The following CLEC16A variants were observed in gnomAD, a reference collection of about 807,000 sequenced individuals.
CLEC16A encodes protein CLEC16A.
Under a neutral mutation model 109.5 loss-of-function variants are expected in CLEC16A, and 51 were observed. That is an observed-to-expected ratio of 0.47 (90% CI 0.37 to 0.59). CLEC16A has a LOEUF of 0.59. CLEC16A is among the 20% of genes least tolerant of loss of function. The pLI is 0.00. For missense variants in CLEC16A, 1,339 were observed against 1,394.0 expected, an observed-to-expected ratio of 0.96 and a Z score of 0.63; for synonymous variants, 673 against 564.2, an observed-to-expected ratio of 1.19 and a Z score of -2.73.
chr16:11,067,189 G>GTTTTTTTTTTTTTTTTTTT (rs71406205), intron 19 of CLEC16A, among the ~76,000 whole-genome samples: 5 of 98,978 alleles, frequency 5.1e-5, no homozygotes, highest in South Asian at 3.4e-4. Context: ...GTTTGTTTTT[G>GTTTTTTTTTTTTTTTTTTT]TTTTTTTTTT....
At chr16:11,036,486 T>G (rs1051646521) in intron 13 of CLEC16A, among the ~76,000 whole-genome samples, 2 of 152,174 alleles carry the variant, frequency 1.3e-5, no homozygotes, top group Non-Finnish European at 2.9e-5. Context: ...TTGGGCTGTC[T>G]GTAGCTTGAT....
chr16:11,050,124 A>AC (rs1422695993), intron 17 of CLEC16A, among the ~76,000 whole-genome samples: 1 of 152,264 alleles, frequency 6.6e-6, no homozygotes, highest in African/African-American at 2.4e-5. Flanking sequence ...CCTTCTTGCC[A>AC]CATCATCCCA....
intron 10 of CLEC16A, among the ~76,000 whole-genome samples, chr16:10,987,278 C>G (rs528847552): frequency 6.6e-6 from 1 of 152,224 alleles, no homozygotes; most frequent in East Asian, 1.9e-4. Flanking sequence ...TCTTGCAAAA[C>G]TCTAGTACAC....
intron 13 of CLEC16A, among the ~76,000 whole-genome samples, chr16:11,026,038 A>G (rs554648314): frequency 6.6e-6 from 1 of 152,372 alleles, no homozygotes; most frequent in South Asian, 2.1e-4. Flanking sequence ...GTTCACATCC[A>G]TAGAGAACTG....
At chr16:11,080,874 G>T (rs12921385) in intron 19 of CLEC16A, among the ~76,000 whole-genome samples, 4 of 152,210 alleles carry the variant, frequency 2.6e-5, no homozygotes, top group Admixed American at 2.0e-4. Context: ...AGCTCCCCCA[G>T]CTCAGGCTCT....
chr16:10,959,805 G>T (rs775486109), intron 2 of CLEC16A, among the ~76,000 whole-genome samples: 6 of 151,520 alleles, frequency 4.0e-5, no homozygotes, highest in Non-Finnish European at 8.8e-5. Flanking sequence ...TAGAGACAGG[G>T]TCTTGCTGTG....
chr16:11,120,948 A>G (rs1425331959), intron 20 of CLEC16A, among the ~76,000 whole-genome samples, 182 bp downstream of exon 20: 1 of 152,198 alleles, frequency 6.6e-6, no homozygotes, highest in Non-Finnish European at 1.5e-5. Flanking sequence ...ATGCACAGAT[A>G]AGAGCAAAGT....
Position 10,975,813 on chromosome 16 carries a change from AT to A in CLEC16A, c.729-1402del, listed in dbSNP as rs571751395. On this transcript the variant is annotated intron_variant, in intron 7 of 23. Coordinates refer to ENST00000409790, the MANE Select transcript of CLEC16A (RefSeq NM_015226.3). ...AGGTGCATGCCACCACCCCTGGCTA[AT>A]TTTTTTTTTAATATTTTTAGTAGAG... Among the ~76,000 whole-genome samples, 1,237 of 149,632 alleles carry A rather than the reference AT, an allele frequency of 8.3e-3. 13 individuals are homozygous for A. The highest frequency in any genetic ancestry group is 0.028 in the African/African-American group (1,160 of 40,850).
In CLEC16A at chr16:10,948,184, C is replaced by T. The variant is rs977471731; in HGVS notation, c.80+3387C>T. Among the ~76,000 whole-genome samples, 9 of 152,208 alleles carry T rather than the reference C, an allele frequency of 5.9e-5. No homozygotes were observed. In the East Asian group the frequency reaches 7.7e-4, roughly 13 times the overall value. On this transcript the variant is annotated intron_variant, in intron 1 of 23. Transcript: ENST00000409790. The stretch of plus-strand genomic sequence containing the variant: ...CTGGGATTACAGGCATGAGCCACTG[C>T]ACCCGGCCTAGACTTTACTTTTTTA...
intron 1 of CLEC16A, among the ~76,000 whole-genome samples, chr16:10,947,489 G>A (rs1458030571): frequency 6.6e-6 from 1 of 152,234 alleles, no homozygotes; most frequent in Non-Finnish European, 1.5e-5. Context: ...GGTTCTCCAA[G>A]AATGAACAGA....
chr16:11,126,502 G>T, intron 22 of CLEC16A: 1 of 977,474 alleles, frequency 1.0e-6, no homozygotes, highest in Admixed American at 3.2e-5. Context: ...ACTAGAAAGA[G>T]AGAGTGTGTT....
intron 19 of CLEC16A, among the ~76,000 whole-genome samples, chr16:11,118,808 T>G (rs2052192258): frequency 6.6e-6 from 1 of 152,198 alleles, no homozygotes; most frequent in South Asian, 2.1e-4. Context: ...TGAGTTGGTT[T>G]TTGTATACAG....
chr16:11,030,618 AT>A (rs1369379263), intron 13 of CLEC16A, among the ~76,000 whole-genome samples: 2 of 152,204 alleles, frequency 1.3e-5, no homozygotes, highest in African/African-American at 2.4e-5. Context: ...AGTAAAAAAA[AT>A]ATTGTGTTTC....
chr16:11,081,618 A>C (rs952769422), intron 19 of CLEC16A, among the ~76,000 whole-genome samples: 1 of 152,100 alleles, frequency 6.6e-6, no homozygotes, highest in East Asian at 1.9e-4. Flanking sequence ...GGATTCCTCA[A>C]GCCATAGGGC....
intron 23 of CLEC16A, among the ~76,000 whole-genome samples, chr16:11,176,094 A>C (rs2068736249): frequency 6.6e-6 from 1 of 152,246 alleles, no homozygotes; most frequent in Non-Finnish European, 1.5e-5. Flanking sequence ...CATTCGAAGC[A>C]AGGGCAGAGG....
At chr16:11,145,644 C>T (rs2054021386) in intron 22 of CLEC16A, among the ~76,000 whole-genome samples, 1 of 152,278 alleles carries the variant, frequency 6.6e-6, no homozygotes, top group African/African-American at 2.4e-5. Flanking sequence ...GTGGGTGGGG[C>T]TGTGCCCCCA....
intron 7 of CLEC16A, among the ~76,000 whole-genome samples, chr16:10,973,628 G>T (rs1596821586): frequency 6.6e-6 from 1 of 151,964 alleles, no homozygotes; most frequent in Admixed American, 6.6e-5. Context: ...GAGAGCAGTG[G>T]GGTGATCATG....
chr16:11,176,399 A>ATC lies in CLEC16A; in HGVS notation c.2807-1916_2807-1915dup, dbSNP rs147056708. The stretch of plus-strand genomic sequence containing the variant: ...AGCCTCATGCAGTGGTTTCCTCTAG[A>ATC]TCTCTCTCTCTCTCTCTCTCTTTTA... On this transcript the variant is annotated intron_variant, in intron 23 of 23. Coordinates refer to ENST00000409790, the MANE Select transcript of CLEC16A (RefSeq NM_015226.3). 8.2e-3 allele frequency among the ~76,000 whole-genome samples: 1,240 copies of ATC among 150,424 alleles called. 15 individuals carry two copies. The highest frequency in any genetic ancestry group is 0.027 in the African/African-American group (1,095 of 41,134).
intron 2 of CLEC16A, among the ~76,000 whole-genome samples, chr16:10,959,708 A>T (rs1052246338): frequency 1.4e-3 from 208 of 149,810 alleles, no homozygotes; most frequent in African/African-American, 4.2e-3. Flanking sequence ...TTTTTTTTTT[A>T]AATATCTTTT....
Sources: allele counts gnomAD v4.1 joint callset (sites outside exome capture counted in the v4.1 genomes callset), GRCh38; gene constraint gnomAD v4.1.1; transcripts MANE v1.5; gene names NCBI Gene and HGNC (gene_info 2026-07-23, HGNC 2026-07-21).